The following USP36 variants were observed in gnomAD, a reference collection of about 807,000 sequenced individuals.
USP36 encodes the protein ubiquitin carboxyl-terminal hydrolase 36.
In USP36, 59 loss-of-function variants were observed where a neutral mutation model predicts 111.5. That is an observed-to-expected ratio of 0.53 (90% CI 0.43 to 0.66). The LOEUF is 0.66. USP36 is among the 30% of genes least tolerant of loss of function. The probability of loss-of-function intolerance (pLI) is 0.00; values close to 1 mark genes in which losing one functional copy is unlikely to be tolerated. For missense variants in USP36, 1,488 were observed against 1,468.0 expected, an observed-to-expected ratio of 1.01 and a Z score of -0.22; for synonymous variants, 628 against 581.0, an observed-to-expected ratio of 1.08 and a Z score of -1.16.
intron 8 of USP36, 65 bp from the exon 9 acceptor site, chr17:78,820,077 C>A: frequency 6.5e-7 from 1 of 1,549,562 alleles, no homozygotes. Flanking sequence ...CAAGAAATGC[C>A]AAATTTAAGG....
chr17:78,792,232 G>C (rs1379995906), downstream of USP36, among the ~76,000 whole-genome samples: 1 of 152,164 alleles, frequency 6.6e-6, no homozygotes, highest in Non-Finnish European at 1.5e-5. Flanking sequence ...GGACACACAG[G>C]CTTTTTAGGA....
At chr17:78,811,361 G>T (rs576116634) in intron 13 of USP36, among the ~76,000 whole-genome samples, 1 of 152,110 alleles carries the variant, frequency 6.6e-6, no homozygotes, top group Non-Finnish European at 1.5e-5. Context: ...GTATGTATAT[G>T]TACGTGTGTA....
At chr17:78,802,236 C>A in intron 17 of USP36, 88 bp downstream of exon 17, 4 of 1,290,530 alleles carry the variant, frequency 3.1e-6, no homozygotes, top group Non-Finnish European at 4.1e-6. Context: ...GGTCCCCCAA[C>A]CCCTCGCCCG....
At chr17:78,838,851 A>C (rs942555384) in intron 1 of USP36, 101 bp from the exon 2 acceptor site, 12 of 152,236 alleles carry the variant, frequency 7.9e-5, no homozygotes, top group African/African-American at 2.6e-4. Flanking sequence ...ACCCTCTACC[A>C]CGAAAAAGCC....
intron 7 of USP36, among the ~76,000 whole-genome samples, chr17:78,821,616 C>A (rs1196115870): frequency 6.6e-6 from 1 of 151,292 alleles, no homozygotes; most frequent in Admixed American, 6.6e-5. Flanking sequence ...TTAGTGGAGA[C>A]GGGGTTTCAC....
chr17:78,812,971 G>A lies in USP36; in HGVS notation c.1296C>T (p.Gly432=). ...RIPGSKKSPE[G]LISRTGSSSL... ...AGGAGGAGCCTGTCCTGGAGATGAG[G>A]CCCTCGGGACTTTTCTTAGAGCCTG... Residue 432 remains glycine (G), a synonymous_variant, in exon 13 of 21, where the codon GGC becomes GGT. Transcript: ENST00000449938. The A allele has an allele frequency of 6.2e-7, 1 of 1,614,054 alleles. No homozygotes were observed. The highest frequency in any genetic ancestry group is 8.5e-7 in the Non-Finnish European group (1 of 1,179,998).
At chr17:78,829,368 C>A (rs57899453) in intron 4 of USP36, among the ~76,000 whole-genome samples, 34,438 of 152,042 alleles carry the variant, frequency 0.23, 4,206 homozygotes, top group African/African-American at 0.33. Flanking sequence ...GAAGCTTAAA[C>A]GATGTATTCT....
intron 10 of USP36, among the ~76,000 whole-genome samples, chr17:78,818,249 G>A (rs2094233947): frequency 6.6e-6 from 1 of 152,124 alleles, no homozygotes; most frequent in South Asian, 2.1e-4. Context: ...CACTCATCTG[G>A]AGAACCCTGA....
chr17:78,827,662 G>A (rs2067690146), intron 5 of USP36, among the ~76,000 whole-genome samples: 1 of 152,090 alleles, frequency 6.6e-6, no homozygotes, highest in African/African-American at 2.4e-5. Flanking sequence ...TAACACTTCA[G>A]GAGGCCTGGG....
rs1279295929 is a variant in USP36, at chr17:78,807,622, C to T, written c.1422G>A (p.Gly474=). 3 of 1,530,870 alleles carry T rather than the reference C, an allele frequency of 2.0e-6. No individual in the cohort carries two copies. The highest frequency in any genetic ancestry group is 2.6e-6 in the Non-Finnish European group (3 of 1,139,788). The allele number at this position is 1,530,870 out of a possible 1,614,324, so 94.8% of individuals were successfully genotyped here. A position where few individuals can be genotyped will look rare whatever the true frequency, so the allele number is the denominator to read the frequency against. The change falls in exon 14 of 21, where the codon GGG becomes GGA. Residue 474 remains glycine (G), a synonymous_variant. Transcript: ENST00000449938. ...SPLTGKRQDS[G]TMKKPHTTEE... ...CAGTGGTGTGCGGCTTCTTCATCGT[C>T]CCAGAGTCTTGTCGCTAAGGAGACC...
At chr17:78,833,972 C>T (rs1307787403) in intron 4 of USP36, among the ~76,000 whole-genome samples, 3 of 152,130 alleles carry the variant, frequency 2.0e-5, no homozygotes, top group Non-Finnish European at 4.4e-5. Flanking sequence ...ATTGGCTGGG[C>T]ACAGTGGTTC....
rs1292124586 is a variant in USP36, at chr17:78,802,535, G to A, written c.2811C>T (p.Ser937=). The change falls in exon 17 of 21, where the codon AGC becomes AGT. Residue 937 remains serine, a splice_region_variant and synonymous_variant. Transcript: ENST00000449938. ...GGLHQDPLRH[S]CSPMGDGDPE... Reference sequence around the variant, plus strand: ...GATCACCATCACCCATGGGAGAGCAGCTGCTTGGAAGTGAGAGGCAGCAGT... The same window carrying A: ...GATCACCATCACCCATGGGAGAGCAACTGCTTGGAAGTGAGAGGCAGCAGT... 1.2e-6 allele frequency: 2 copies of A among 1,603,282 alleles called. No individual in the cohort carries two copies. Among genetic ancestry groups the A allele is most frequent in the East Asian group, 2.2e-5 (1 of 44,872 alleles).
Position 78,807,487 on chromosome 17 carries a change from G to C in USP36, c.1557C>G (p.Ser519=), listed in dbSNP as rs199617834. Residue 519 remains serine, a synonymous_variant, in exon 14 of 21, where the codon TCC becomes TCG. Transcript: ENST00000449938. ...LPSGSPSPKL[S]QTPTHMPTIL... ...TGGTTGGCATGTGTGTGGGTGTCTGGGAGAGTTTGGGGGAAGGGGACCCCG... is the reference window on the plus strand; with the variant it reads ...TGGTTGGCATGTGTGTGGGTGTCTGCGAGAGTTTGGGGGAAGGGGACCCCG... The C allele has an allele frequency of 2.5e-6, 4 of 1,613,988 alleles. No individual in the cohort carries two copies. In the Admixed American group the frequency reaches 5.0e-5, roughly 20 times the overall value.
At chr17:78,821,868 A>C in intron 7 of USP36, 69 bp downstream of exon 7, 4 of 1,582,216 alleles carry the variant, frequency 2.5e-6, no homozygotes, top group Non-Finnish European at 3.5e-6. Context: ...CTGCGTTCCA[A>C]CTCTTAGGGT....
chr17:78,820,622 A>G (rs2094296348), intron 8 of USP36, among the ~76,000 whole-genome samples: 1 of 152,208 alleles, frequency 6.6e-6, no homozygotes, highest in Non-Finnish European at 1.5e-5. Flanking sequence ...TAGCTGCAGC[A>G]GGATGTGCGA....
At chr17:78,822,073 G>C in intron 6 of USP36, 69 bp from the exon 7 acceptor site, 2 of 1,544,916 alleles carry the variant, frequency 1.3e-6, no homozygotes, top group South Asian at 2.2e-5. Flanking sequence ...CCCCATCCCA[G>C]CAGCCCCATG....
At chr17:78,819,749 C>A (rs2094273710) in intron 9 of USP36, among the ~76,000 whole-genome samples, 181 bp downstream of exon 9, 1 of 152,258 alleles carries the variant, frequency 6.6e-6, no homozygotes, top group African/African-American at 2.4e-5. Flanking sequence ...CTATAAAAAT[C>A]ATAGCTATTG....
At chr17:78,825,154 A>G (rs2067422369) in intron 6 of USP36, among the ~76,000 whole-genome samples, 1 of 152,232 alleles carries the variant, frequency 6.6e-6, no homozygotes. Flanking sequence ...ATCCATGGAC[A>G]GAGGAGCAAA....
rs771266583 is a variant in USP36, at chr17:78,808,207, TA to T, written c.1408-572del. On this transcript the variant is annotated intron_variant, in intron 13 of 20. Transcript: ENST00000449938. The stretch of plus-strand genomic sequence containing the variant: ...GAAGAGTTGCATCCCAGTTTTATCT[TA>T]AAGCTATTATCTCAAGCATTTTTAT... Among the ~76,000 whole-genome samples, 7 of 152,348 alleles carry T rather than the reference TA, an allele frequency of 4.6e-5. No individual in the cohort carries two copies. In the South Asian group the frequency reaches 6.2e-4, roughly 14 times the overall value.
Sources: gnomAD v4.1 joint callset for allele counts (sites outside exome capture counted in the v4.1 genomes callset) on GRCh38, gnomAD v4.1.1 for gene constraint, MANE v1.5 for transcripts, NCBI Gene and HGNC (gene_info 2026-07-23, HGNC 2026-07-21) for gene names.